Variants in NDUFB4 observed in about 807,000 individuals in gnomAD.
NDUFB4 encodes NADH:ubiquinone oxidoreductase subunit B4.
A neutral mutation model predicts 14.5 loss-of-function variants in NDUFB4; 10 were observed. The ratio of observed to expected loss-of-function variants is 0.69; its 90% CI spans 0.43 to 1.17. The LOEUF is 1.17. Among genes scored for constraint, NDUFB4 ranks in the 50% most tolerant of loss-of-function variants. The pLI, the probability that NDUFB4 is intolerant of heterozygous loss-of-function variation, is 0.00. For missense variants in NDUFB4, 165 were observed against 161.1 expected, an observed-to-expected ratio of 1.02 and a Z score of -0.13; for synonymous variants, 65 against 63.4, an observed-to-expected ratio of 1.03 and a Z score of -0.12.
Position 120,601,480 on chromosome 3 carries a change from T to G in NDUFB4, c.327+223T>G, listed in dbSNP as rs1467831540. 5.0e-6 allele frequency: 7 copies of G among 1,394,190 alleles called. No individual in the cohort carries two copies. In the East Asian group the frequency reaches 1.9e-4, roughly 37 times the overall value. 86.4% of individuals were successfully genotyped at this position (1,394,190 alleles called of 1,614,324 possible). A position where few individuals can be genotyped will look rare whatever the true frequency, so the allele number is the denominator to read the frequency against. On this transcript the variant is annotated intron_variant, in intron 2 of 2. Transcript: ENST00000184266. ...TATTTTTGTTAGTTCATTTGTTTTT[T>G]AAAAAGATGATGTTTATTGGGTTAA...
At chr3:120,600,968 G>A (rs1940048678) in intron 1 of NDUFB4, 143 bp from the exon 2 acceptor site, 3 of 645,088 alleles carry the variant, frequency 4.7e-6, no homozygotes, top group Admixed American at 6.5e-5. Flanking sequence ...CTTTCCTGAA[G>A]CTGTTTAGGA....
Position 120,602,227 on chromosome 3 carries a change from T to C in NDUFB4, c.347T>C (p.Ile116Thr), listed in dbSNP as rs766939177. 32 of 1,611,294 alleles carry C rather than the reference T, an allele frequency of 2.0e-5. No homozygotes were observed. The Admixed American group carries it at 4.2e-4, about 21-fold the overall frequency. Residue 116 changes from isoleucine to threonine, a missense_variant, in exon 3 of 3, where the codon ATC (isoleucine) becomes ACC (threonine). Ile to Thr is a moderately conservative substitution (Grantham distance 89). Coordinates refer to ENST00000184266, the MANE Select transcript of NDUFB4 (RefSeq NM_004547.6). ...TTACAGGATAGGAAAGAAAAACTTA[T>C]CCAGGAAGGAAAATTGGATCGAACA... ...KTERDRKEKL[I>T]QEGKLDRTFH...
At chr3:120,602,063 G>A in intron 2 of NDUFB4, 145 bp from the exon 3 acceptor site, 2 of 1,464,288 alleles carry the variant, frequency 1.4e-6, no homozygotes, top group Non-Finnish European at 9.0e-7. Flanking sequence ...AATTAGGTTT[G>A]GAGTGTTTCA....
In NDUFB4 at chr3:120,602,339, C is replaced by T. The variant is rs1940078993; in HGVS notation, c.*69C>T. 2 of 1,414,716 alleles carry T rather than the reference C, an allele frequency of 1.4e-6. No homozygotes were observed. 87.6% of individuals were successfully genotyped at this position (1,414,716 alleles called of 1,614,324 possible). On this transcript the variant is annotated 3_prime_UTR_variant, in exon 3 of 3. Coordinates refer to ENST00000184266, the MANE Select transcript of NDUFB4 (RefSeq NM_004547.6). ...TCTATTAATCATTAAGTAGTAGTTT[C>T]TCTTTCTTAGTATTACCTTGATTCA...
At chr3:120,599,718 T>C (rs899238880) in intron 1 of NDUFB4, among the ~76,000 whole-genome samples, 1 of 152,102 alleles carries the variant, frequency 6.6e-6, no homozygotes, top group African/African-American at 2.4e-5. Context: ...TGAAATGAAA[T>C]GTCTGTTTCT....
intron 1 of NDUFB4, among the ~76,000 whole-genome samples, chr3:120,599,678 A>C (rs1342164295): frequency 6.6e-6 from 1 of 152,146 alleles, no homozygotes; most frequent in Non-Finnish European, 1.5e-5. Context: ...GGCTTAATGA[A>C]CTATGGTCAT....
In NDUFB4 at chr3:120,602,225, T is replaced by G; in HGVS notation, c.345T>G (p.Leu115=). 1 of 1,611,368 alleles carries G rather than the reference T, an allele frequency of 6.2e-7. No homozygotes were observed. Among genetic ancestry groups the G allele is most frequent in the Non-Finnish European group, 8.5e-7 (1 of 1,179,660 alleles). The change falls in exon 3 of 3, where the codon CTT becomes CTG. Residue 115 remains leucine (L), a synonymous_variant. Transcript: ENST00000184266. ...CTTTACAGGATAGGAAAGAAAAACT[T>G]ATCCAGGAAGGAAAATTGGATCGAA... ...IKTERDRKEK[L]IQEGKLDRTF...
Position 120,596,487 on chromosome 3 carries a change from T to G in NDUFB4, c.128T>G (p.Leu43Arg). ...QAERLAIRAQLKREYLLQYND... is the reference protein window; with the variant it reads ...QAERLAIRAQRKREYLLQYND... ...GAGCGGTTGGCCATAAGAGCCCAGCTGAAACGAGAGTACCTGCTTCAGTAC... is the reference window on the plus strand; with the variant it reads ...GAGCGGTTGGCCATAAGAGCCCAGCGGAAACGAGAGTACCTGCTTCAGTAC... The change falls in exon 1 of 3, where the codon CTG (leucine) becomes CGG (arginine). Residue 43 changes from leucine to arginine, a missense_variant. By Grantham distance (102) the Leu-to-Arg change is moderately radical. Coordinates refer to ENST00000184266, the MANE Select transcript of NDUFB4 (RefSeq NM_004547.6). 5.0e-6 allele frequency: 8 copies of G among 1,614,040 alleles called. No individual in the cohort carries two copies. The highest frequency in any genetic ancestry group is 6.8e-6 in the Non-Finnish European group (8 of 1,179,960).
chr3:120,598,917 T>C (rs949155953), intron 1 of NDUFB4, among the ~76,000 whole-genome samples: 1 of 152,190 alleles, frequency 6.6e-6, no homozygotes, highest in Non-Finnish European at 1.5e-5. Context: ...ACAATTTCTC[T>C]GGCTGCTTAG....
intron 2 of NDUFB4, 54 bp from the exon 3 acceptor site, chr3:120,602,154 T>C: frequency 6.3e-7 from 1 of 1,584,220 alleles, no homozygotes; most frequent in South Asian, 1.2e-5. Context: ...TTATCTAATA[T>C]AGCCAACTGG....
At chr3:120,600,591 C>G (rs563156528) in intron 1 of NDUFB4, among the ~76,000 whole-genome samples, 20 of 152,174 alleles carry the variant, frequency 1.3e-4, no homozygotes, top group South Asian at 6.2e-4. Context: ...TAGCCTACCC[C>G]CTCCTTCATC....
At chr3:120,599,905 C>G (rs149049765) in intron 1 of NDUFB4, among the ~76,000 whole-genome samples, 1 of 151,940 alleles carries the variant, frequency 6.6e-6, no homozygotes, top group Non-Finnish European at 1.5e-5. Flanking sequence ...TCTTTACCCT[C>G]TTTTTTCTTG....
intron 1 of NDUFB4, among the ~76,000 whole-genome samples, chr3:120,599,033 A>C (rs963640059): frequency 6.6e-6 from 1 of 152,130 alleles, no homozygotes; most frequent in Non-Finnish European, 1.5e-5. Context: ...GGCGGTGAGA[A>C]ATGGTAGATT....
chr3:120,599,854 T>G (rs1940027838), intron 1 of NDUFB4, among the ~76,000 whole-genome samples: 1 of 152,140 alleles, frequency 6.6e-6, no homozygotes, highest in South Asian at 2.1e-4. Flanking sequence ...ATTAATCCTT[T>G]CAGCTATTGA....
chr3:120,601,589 G>A (rs1940065311), intron 2 of NDUFB4: 2 of 1,157,256 alleles, frequency 1.7e-6, no homozygotes, highest in Admixed American at 4.5e-5. Flanking sequence ...GCAAATTAAT[G>A]TTAAAACCTA....
chr3:120,600,634 A>G (rs763941254), intron 1 of NDUFB4, among the ~76,000 whole-genome samples: 3 of 152,160 alleles, frequency 2.0e-5, no homozygotes, highest in Non-Finnish European at 2.9e-5. Context: ...TGGAAAGACT[A>G]TTTTGGTGAT....
In NDUFB4 at chr3:120,596,545, T is replaced by C; in HGVS notation, c.180+6T>C. On this transcript the variant is annotated splice_donor_region_variant and intron_variant, in intron 1 of 2. Transcript: ENST00000184266. ...CCAACCGCCGAGGGCTCATCGTGAG[T>C]GTGGGGCCTCCCAGGCGGGAATAGG... is the stretch of plus-strand genomic sequence containing the variant. 1 of 1,612,952 alleles carries C rather than the reference T, an allele frequency of 6.2e-7. No individual in the cohort carries two copies. The highest frequency in any genetic ancestry group is 8.5e-7 in the Non-Finnish European group (1 of 1,179,516).
chr3:120,601,293 A>G, intron 2 of NDUFB4, 36 bp downstream of exon 2: 1 of 1,611,044 alleles, frequency 6.2e-7, no homozygotes, highest in Non-Finnish European at 8.5e-7. Flanking sequence ...TATTTGAGTG[A>G]TAGGTTCACT....
intron 2 of NDUFB4, 154 bp from the exon 3 acceptor site, chr3:120,602,054 A>C (rs1940073080): frequency 6.9e-7 from 1 of 1,441,282 alleles, no homozygotes; most frequent in African/African-American, 1.4e-5. Context: ...TGGGATTGCA[A>C]TTAGGTTTGG....
Sources: gnomAD v4.1 joint callset for allele counts (sites outside exome capture counted in the v4.1 genomes callset) on GRCh38, gnomAD v4.1.1 for gene constraint, MANE v1.5 for transcripts, NCBI Gene and HGNC (gene_info 2026-07-23, HGNC 2026-07-21) for gene names.